DENND1B: variants seen among roughly 807,000 people sequenced by gnomAD.
DENND1B encodes the protein DENN domain containing 1B.
A neutral mutation model predicts 90.1 loss-of-function variants in DENND1B; 59 were observed. The ratio of observed to expected loss-of-function variants is 0.65; its 90% CI spans 0.53 to 0.81. DENND1B has a LOEUF of 0.81. DENND1B is among the 40% of genes least tolerant of loss of function. DENND1B has a pLI of 0.00. For missense variants in DENND1B, 862 were observed against 912.6 expected (o/e 0.94, Z 0.71); for synonymous variants, 337 against 324.6 (o/e 1.04, Z -0.41).
At chr1:197,560,701 T>G (rs1352663795) in intron 15 of DENND1B, among the ~76,000 whole-genome samples, 1 of 151,850 alleles carries the variant, frequency 6.6e-6, no homozygotes, top group African/African-American at 2.4e-5. Flanking sequence ...AATGACTATT[T>G]GCACTCAAAA....
At chr1:197,578,540 C>A (rs915917143) in intron 15 of DENND1B, among the ~76,000 whole-genome samples, 2 of 151,836 alleles carry the variant, frequency 1.3e-5, no homozygotes, top group Non-Finnish European at 2.9e-5. Flanking sequence ...CCACTGTGCC[C>A]GGCCTAAAAA....
At chr1:197,715,556 GTAA>G (rs949547903) in intron 2 of DENND1B, among the ~76,000 whole-genome samples, 7 of 151,714 alleles carry the variant, frequency 4.6e-5, no homozygotes, top group African/African-American at 1.4e-4. Flanking sequence ...TACAAAAACT[GTAA>G]TAATATTTGC....
At chr1:197,699,315 G>A (rs1390966471) in intron 3 of DENND1B, among the ~76,000 whole-genome samples, 1 of 152,082 alleles carries the variant, frequency 6.6e-6, no homozygotes, top group Non-Finnish European at 1.5e-5. Flanking sequence ...AAAACCACAC[G>A]ATTATTTCAA....
chr1:197,681,830 T>C (rs1656723371), intron 3 of DENND1B, among the ~76,000 whole-genome samples: 1 of 152,190 alleles, frequency 6.6e-6, no homozygotes, highest in African/African-American at 2.4e-5. Flanking sequence ...CTTTCTGTCA[T>C]CATATTCATG....
chr1:197,658,251 T>A, intron 6 of DENND1B, 49 bp downstream of exon 6: 1 of 1,417,622 alleles, frequency 7.1e-7, no homozygotes, highest in Non-Finnish European at 9.9e-7. Context: ...GTAAGTTTTG[T>A]GTTATAAGTA....
chr1:197,754,292 CAAT>C (rs1653971022), intron 2 of DENND1B, among the ~76,000 whole-genome samples: 1 of 152,098 alleles, frequency 6.6e-6, no homozygotes, highest in African/African-American at 2.4e-5. Context: ...AAAAGTCCAA[CAAT>C]GATACTCAAG....
At chr1:197,596,155 T>C (rs1286487364) in intron 13 of DENND1B, among the ~76,000 whole-genome samples, 1 of 152,070 alleles carries the variant, frequency 6.6e-6, no homozygotes, top group Non-Finnish European at 1.5e-5. Context: ...AAAACTTACC[T>C]AAAAATGTGC....
rs757479197 is a variant in DENND1B, at chr1:197,554,303, C to T, written c.1150-1191G>A. On this transcript the variant is annotated intron_variant, in intron 15 of 22. Coordinates refer to ENST00000620048, the MANE Select transcript of DENND1B (RefSeq NM_001195215.2). ...GGATAACATAGGAAAGATTTACATG[C>T]TTTTTGCAAGGAGGACTTGAAGATG... is the stretch of plus-strand genomic sequence containing the variant. 1.1e-4 allele frequency among the ~76,000 whole-genome samples: 16 copies of T among 152,096 alleles called. No homozygotes were observed. In the East Asian group the frequency reaches 2.3e-3, roughly 22 times the overall value.
chr1:197,697,135 T>C (rs1571396717), intron 3 of DENND1B, among the ~76,000 whole-genome samples: 1 of 149,760 alleles, frequency 6.7e-6, no homozygotes, highest in East Asian at 2.0e-4. Flanking sequence ...ACAGGGATAG[T>C]GTGTGAAGGA....
intron 18 of DENND1B, among the ~76,000 whole-genome samples, chr1:197,545,336 C>T (rs1421895035): frequency 1.3e-5 from 2 of 151,906 alleles, no homozygotes; most frequent in South Asian, 2.1e-4. Flanking sequence ...ACCTGGAAGG[C>T]GGAGGTTACA....
chr1:197,672,303 G>C lies in DENND1B; in HGVS notation c.177-147C>G, dbSNP rs575253441. 377 of 972,682 alleles carry C rather than the reference G, an allele frequency of 3.9e-4. 5 individuals carry two copies. The South Asian group carries it at 6.7e-3, about 17-fold the overall frequency. The allele number at this position is 972,682 out of a possible 1,614,324, so 60.3% of individuals were successfully genotyped here. On this transcript the variant is annotated intron_variant, in intron 4 of 22. Transcript: ENST00000620048. ...AAGCTAGAACTATGTTCTAAAACTA[G>C]AGGAAGTGTGAAACTTGTAAAGTAA...
At chr1:197,537,411 T>C (rs980782930) in intron 20 of DENND1B, among the ~76,000 whole-genome samples, 2 of 152,166 alleles carry the variant, frequency 1.3e-5, no homozygotes, top group Admixed American at 6.5e-5. Flanking sequence ...GAAGACTTAG[T>C]GTAAGTATAC....
At chr1:197,536,769 C>T (rs1010591242) in intron 20 of DENND1B, among the ~76,000 whole-genome samples, 3 of 152,042 alleles carry the variant, frequency 2.0e-5, no homozygotes, top group African/African-American at 4.8e-5. Context: ...AGACCAGGCT[C>T]GGTGGCTCAT....
At chr1:197,534,653 CTAATTT>C (rs2125640799) in intron 20 of DENND1B, among the ~76,000 whole-genome samples, 1 of 152,246 alleles carries the variant, frequency 6.6e-6, no homozygotes, top group East Asian at 1.9e-4. Context: ...TAAAACTTAC[CTAATTT>C]TAATACAGTT....
At chr1:197,715,218 T>C in intron 2 of DENND1B, 144 bp from the exon 3 acceptor site, 1 of 502,058 alleles carries the variant, frequency 2.0e-6, no homozygotes, top group Non-Finnish European at 3.5e-6. Flanking sequence ...GTTGATGACA[T>C]TCACTTCTCT....
At chr1:197,567,024 A>T (rs1672733484) in intron 15 of DENND1B, among the ~76,000 whole-genome samples, 1 of 152,128 alleles carries the variant, frequency 6.6e-6, no homozygotes, top group Non-Finnish European at 1.5e-5. Context: ...AGATTAGAAC[A>T]GAACTAAATG....
intron 2 of DENND1B, chr1:197,736,059 G>T (rs769704440): frequency 1.0e-4 from 87 of 847,240 alleles, no homozygotes; most frequent in Non-Finnish European, 1.6e-4. Flanking sequence ...CTAAGTAAAT[G>T]ATTGTGAAGC....
chr1:197,726,689 G>A (rs1661668308), intron 2 of DENND1B, among the ~76,000 whole-genome samples: 1 of 152,158 alleles, frequency 6.6e-6, no homozygotes, highest in South Asian at 2.1e-4. Flanking sequence ...TACCCCTGGA[G>A]GGCCACAGAA....
intron 15 of DENND1B, among the ~76,000 whole-genome samples, chr1:197,567,068 A>G (rs1672737489): frequency 1.3e-5 from 2 of 152,080 alleles, no homozygotes; most frequent in African/African-American, 4.8e-5. Context: ...GAAACGATCA[A>G]TGAAACTGAA....
Sources: gnomAD v4.1 joint callset for allele counts (sites outside exome capture counted in the v4.1 genomes callset) on GRCh38, gnomAD v4.1.1 for gene constraint, MANE v1.5 for transcripts, NCBI Gene and HGNC (gene_info 2026-07-23, HGNC 2026-07-21) for gene names.